The following RANBP2 variants were observed in gnomAD, a reference collection of about 807,000 sequenced individuals.
RANBP2 encodes the protein RAN binding protein 2.
In RANBP2, 57 loss-of-function variants were observed where a neutral mutation model predicts 303.6. The ratio of observed to expected loss-of-function variants is 0.19; its 90% CI spans 0.15 to 0.23. The LOEUF (loss-of-function observed/expected upper bound fraction) is 0.23. Ranked by LOEUF, RANBP2 falls within the 10% of genes least tolerant of loss-of-function variation. The pLI is 1.00. For synonymous variants in RANBP2, 1,167 were observed against 1,301.5 expected (o/e 0.90, Z 2.23); for missense variants, 3,138 against 3,780.8 (o/e 0.83, Z 4.46).
the RANBP2 span, among the ~76,000 whole-genome samples, chr2:109,480,165 G>C: frequency 6.6e-6 from 1 of 152,206 alleles, no homozygotes; most frequent in Non-Finnish European, 1.5e-5. Context: ...TAAGACATCT[G>C]CTTTCAGAAA....
At chr2:108,787,005 A>C (rs1055302384), downstream of RANBP2, 8 of 864,198 alleles carry the variant, frequency 9.3e-6, no homozygotes, top group African/African-American at 1.8e-5. Context: ...GGGGGCGCGC[A>C]GCGGCTCTGG....
the RANBP2 span, among the ~76,000 whole-genome samples, chr2:109,417,220 G>T: frequency 6.6e-6 from 1 of 152,174 alleles, no homozygotes; most frequent in Non-Finnish European, 1.5e-5. Context: ...AGAGTGAGGT[G>T]ACAGCTTCTC....
chr2:109,200,285 C>T, the RANBP2 span, among the ~76,000 whole-genome samples: 44 of 152,234 alleles, frequency 2.9e-4, no homozygotes, highest in African/African-American at 9.4e-4. Context: ...TCTCAGTGGG[C>T]GTCTGTTTGC....
At chr2:109,644,808 T>C in the RANBP2 span, among the ~76,000 whole-genome samples, 1 of 152,304 alleles carries the variant, frequency 6.6e-6, no homozygotes, top group Non-Finnish European at 1.5e-5. Context: ...TTTTCTGCCC[T>C]GCCTCCCCCC....
the RANBP2 span, among the ~76,000 whole-genome samples, chr2:109,673,515 C>A: frequency 4.7e-4 from 72 of 152,270 alleles, no homozygotes; most frequent in Non-Finnish European, 5.3e-4. Context: ...CTTTACCTGA[C>A]CTTTTTGATT....
chr2:109,162,009 C>T, the RANBP2 span, among the ~76,000 whole-genome samples: 1 of 152,104 alleles, frequency 6.6e-6, no homozygotes, highest in Admixed American at 6.5e-5. Flanking sequence ...GAAAGTACTT[C>T]CCCTCCTCCA....
chr2:109,594,626 G>A, the RANBP2 span: 1 of 152,212 alleles, frequency 6.6e-6, no homozygotes, highest in Non-Finnish European at 1.5e-5. Flanking sequence ...CAATTACAAT[G>A]AACCATGCTG....
the RANBP2 span, among the ~76,000 whole-genome samples, chr2:109,400,073 G>A: frequency 1.4e-4 from 21 of 152,232 alleles, 1 homozygote; most frequent in African/African-American, 5.1e-4. Flanking sequence ...AACTGGCTGG[G>A]AAGAACTGTC....
At chr2:108,811,246 T>C in the RANBP2 span, among the ~76,000 whole-genome samples, 7 of 15,052 alleles carry the variant, frequency 4.7e-4, no homozygotes, top group South Asian at 0.012. Flanking sequence ...TTTCTCTCTC[T>C]CTTTTTTTTT....
At chr2:108,735,878 G>T (rs1434511827) in intron 5 of RANBP2, 116 bp downstream of exon 5, 58 of 1,562,340 alleles carry the variant, frequency 3.7e-5, no homozygotes, top group Non-Finnish European at 4.7e-5. Flanking sequence ...ATGTAGAACA[G>T]TTATAAAATG....
chr2:109,078,257 A>AG, the RANBP2 span, among the ~76,000 whole-genome samples: 1 of 57,998 alleles, frequency 1.7e-5, no homozygotes, highest in Non-Finnish European at 3.4e-5. Context: ...GTATATATAT[A>AG]TATATAGCGC....
the RANBP2 span, among the ~76,000 whole-genome samples, chr2:109,150,177 A>G: frequency 1.3e-5 from 2 of 152,206 alleles, no homozygotes; most frequent in Non-Finnish European, 2.9e-5. Flanking sequence ...GAATCCTGCC[A>G]GATCTGCACC....
At chr2:108,729,376 C>T (rs1294121944) in intron 2 of RANBP2, among the ~76,000 whole-genome samples, 177 bp downstream of exon 2, 1 of 152,110 alleles carries the variant, frequency 6.6e-6, no homozygotes, top group Non-Finnish European at 1.5e-5. Flanking sequence ...AGATTGAAAC[C>T]GTAATTAGTG....
the RANBP2 span, among the ~76,000 whole-genome samples, chr2:109,079,625 C>T: frequency 6.6e-6 from 1 of 152,246 alleles, no homozygotes; most frequent in Non-Finnish European, 1.5e-5. Flanking sequence ...TGTCCGGTCC[C>T]AACCAGCAGA....
At chr2:109,532,319 C>T in the RANBP2 span, among the ~76,000 whole-genome samples, 1 of 152,130 alleles carries the variant, frequency 6.6e-6, no homozygotes, top group African/African-American at 2.4e-5. Flanking sequence ...TTCCATCAAC[C>T]AAGTAAATTG....
At chr2:109,634,372 A>C in the RANBP2 span, among the ~76,000 whole-genome samples, 1 of 152,064 alleles carries the variant, frequency 6.6e-6, no homozygotes, top group Non-Finnish European at 1.5e-5. Context: ...ATAAAGAAAA[A>C]GATTATCTCC....
the RANBP2 span, among the ~76,000 whole-genome samples, chr2:109,402,777 A>G: frequency 1.3e-5 from 2 of 152,324 alleles, no homozygotes; most frequent in East Asian, 1.9e-4. Flanking sequence ...GGGGCAGAGG[A>G]TTACAGATCG....
chr2:109,564,534 A>G, the RANBP2 span: 4 of 1,497,358 alleles, frequency 2.7e-6, no homozygotes, highest in African/African-American at 2.8e-5. Flanking sequence ...TTCATTTTCC[A>G]CTAGCCAAAA....
At chr2:109,336,848 G>A in the RANBP2 span, among the ~76,000 whole-genome samples, 4 of 152,268 alleles carry the variant, frequency 2.6e-5, no homozygotes, top group Admixed American at 2.6e-4. Flanking sequence ...TGCTCCAACC[G>A]TATCCGTCAA....
Sources: gnomAD v4.1 joint callset for allele counts (sites outside exome capture counted in the v4.1 genomes callset) on GRCh38, gnomAD v4.1.1 for gene constraint, MANE v1.5 for transcripts, NCBI Gene and HGNC (gene_info 2026-07-23, HGNC 2026-07-21) for gene names.